The following RBMX variants were observed in gnomAD, a reference collection of about 807,000 sequenced individuals.
RBMX encodes the protein RNA-binding motif protein, X chromosome.
RBMX carries 1 observed loss-of-function variant against 29.3 expected under a neutral mutation model. The ratio of observed to expected loss-of-function variants is 0.03; its 90% CI spans 0.01 to 0.16. The LOEUF (loss-of-function observed/expected upper bound fraction) is 0.16, where lower values mean the gene tolerates loss of function less well. Among genes scored for constraint, RBMX ranks in the 10% least tolerant of loss-of-function variants. RBMX has a pLI of 1.00. For missense variants in RBMX, 121 were observed against 333.2 expected (o/e 0.36, Z 4.96); for synonymous variants, 102 against 102.3 (o/e 1.00, Z 0.02).
rs1176622856 is a variant in RBMX at position 136,875,551 on chromosome X, A to G, written c.576T>C (p.Gly192=). ...AGGGCAGCGGTTCCCTTCGAGGTGGACCTCCATAACTATCTCTTCCACGTG... is the reference window on the plus strand; with the variant it reads ...AGGGCAGCGGTTCCCTTCGAGGTGGGCCTCCATAACTATCTCTTCCACGTG... The part of the protein sequence containing the change: ...PVSRGRDSYG[G]PPRREPLPSR... Residue 192 remains glycine (G), a synonymous_variant, in exon 6 of 9, where the codon GGT becomes GGC. Transcript: ENST00000320676. 8.3e-7 allele frequency: 1 copy of G among 1,211,272 alleles called. No individual in the cohort carries two copies. The highest frequency in any genetic ancestry group is 1.1e-6 in the Non-Finnish European group (1 of 895,482).
At chrX:136,874,970 C>T in intron 8 of RBMX, 116 bp downstream of exon 8, 1 of 1,098,114 alleles carries the variant, frequency 9.1e-7, no homozygotes, top group Non-Finnish European at 1.2e-6. Flanking sequence ...TAAAGTTACC[C>T]CTTTAAAAGC....
At chrX:136,878,956 C>CA (rs1232804302) in intron 3 of RBMX, 61 bp downstream of exon 3, 6 of 1,185,857 alleles carry the variant, frequency 5.1e-6, no homozygotes, top group Non-Finnish European at 5.7e-6. Context: ...CAGACTTGGA[C>CA]AACTACATGT....
At chrX:136,876,079 C>T (rs981189387) in intron 5 of RBMX, among the ~76,000 whole-genome samples, 13 of 107,557 alleles carry the variant, frequency 1.2e-4, no homozygotes, top group Admixed American at 3.0e-4. Context: ...AGATTACAGG[C>T]GTGAGCCACC....
intron 3 of RBMX, among the ~76,000 whole-genome samples, chrX:136,878,765 T>G (rs1016060204): frequency 1.1e-5 from 1 of 95,087 alleles, no homozygotes; most frequent in African/African-American, 4.0e-5. Context: ...AAAAAAAAAG[T>G]ACCATGTAAT....
intron 8 of RBMX, chrX:136,874,669 G>A (rs997236041): frequency 2.2e-6 from 1 of 461,315 alleles, no homozygotes; most frequent in Non-Finnish European, 3.5e-6. Flanking sequence ...GACTGAAGAC[G>A]GTGTGTATTT....
chrX:136,870,332 T>C (rs1191961634), downstream of RBMX: 2 of 113,217 alleles, frequency 1.8e-5, no homozygotes, highest in African/African-American at 6.5e-5. Context: ...GCAAAATCTA[T>C]TGCCTGCACC....
chrX:136,879,426 ATGTTTTT>A lies in RBMX; in HGVS notation c.-6_1del. The stretch of plus-strand genomic sequence containing the variant: ...CTTTCCTGGGCGATCTGCTTCAACC[ATGTTTTT>A]TTTTTTTTGGGCCGGTGAGTCTGTT... On this transcript the variant is annotated start_lost and start_retained_variant and 5_prime_UTR_variant, in exon 2 of 9. Transcript: ENST00000320676. The A allele has an allele frequency of 2.1e-6, 2 of 973,597 alleles. No homozygotes were observed. Among genetic ancestry groups the A allele is most frequent in the Non-Finnish European group, 2.8e-6 (2 of 722,101 alleles). 80.2% of individuals were successfully genotyped at this position (973,597 alleles called of 1,213,427 possible). A position where few individuals can be genotyped will look rare whatever the true frequency, so the allele number is the denominator to read the frequency against.
chrX:136,878,992 T>A (rs774664185), intron 3 of RBMX, 25 bp downstream of exon 3: 53 of 1,205,597 alleles, frequency 4.4e-5, no homozygotes. Flanking sequence ...TAACAGGTTA[T>A]CATCCATCGT....
chrX:136,876,467 G>T (rs991499914), intron 5 of RBMX, 36 bp downstream of exon 5: 2 of 1,129,427 alleles, frequency 1.8e-6, no homozygotes, highest in East Asian at 3.1e-5. Context: ...TTTGTGTTAC[G>T]GTAGTAGCAT....
At chrX:136,872,859 G>A (rs1292217466), downstream of RBMX, 1 of 110,571 alleles carries the variant, frequency 9.0e-6, no homozygotes, top group African/African-American at 3.3e-5. Flanking sequence ...TAAAAAGGGG[G>A]ACCCCAAACT....
intron 1 of RBMX, 32 bp downstream of exon 1, chrX:136,880,565 C>G (rs938660143): frequency 8.8e-6 from 1 of 113,370 alleles, no homozygotes; most frequent in Admixed American, 9.6e-5. Flanking sequence ...GAGAGTGTCA[C>G]GAAAAACGGA....
rs778800086 is a variant in RBMX at position 136,876,125 on chromosome X, GT to G, written c.541+377del. Among the ~76,000 whole-genome samples, 471 of 77,671 alleles carry G rather than the reference GT, an allele frequency of 6.1e-3. 1 individual carries two copies. The highest frequency in any genetic ancestry group is 8.7e-3 in the Admixed American group (60 of 6,903). 67.4% of individuals were successfully genotyped at this position (77,671 alleles called of 115,157 possible). A position where few individuals can be genotyped will look rare whatever the true frequency, so the allele number is the denominator to read the frequency against. The stretch of plus-strand genomic sequence containing the variant: ...TCCATGAATAAAGTTTTTTTTTTTT[GT>G]TTTTTTTTTTTTTTTGGAGACAGAA... On this transcript the variant is annotated intron_variant, in intron 5 of 8. Coordinates refer to ENST00000320676, the MANE Select transcript of RBMX (RefSeq NM_002139.4).
At chrX:136,872,996 C>T (rs1313485341), downstream of RBMX, 3 of 108,986 alleles carry the variant, frequency 2.8e-5, no homozygotes, top group Non-Finnish European at 3.8e-5. Flanking sequence ...CCCCAGATCG[C>T]CATTGGTAAA....
intron 1 of RBMX, among the ~76,000 whole-genome samples, 170 bp from the exon 2 acceptor site, chrX:136,879,623 GTAGTT>G (rs2077777117): frequency 8.9e-6 from 1 of 112,077 alleles, no homozygotes; most frequent in Admixed American, 9.5e-5. Context: ...TTTGAACTAA[GTAGTT>G]TAGTAACACT....
intron 8 of RBMX, 134 bp downstream of exon 8, chrX:136,874,952 C>A: frequency 9.4e-7 from 1 of 1,061,790 alleles, no homozygotes; most frequent in Non-Finnish European, 1.2e-6. Flanking sequence ...TAGGAAAAGC[C>A]CAGCTGATAA....
chrX:136,872,331 A>G, downstream of RBMX: 2 of 1,166,221 alleles, frequency 1.7e-6, no homozygotes, highest in Non-Finnish European at 2.3e-6. Context: ...GACCATAATG[A>G]GCAAAATCAC....
chrX:136,880,135 T>C (rs886871166), intron 1 of RBMX, among the ~76,000 whole-genome samples: 1 of 111,782 alleles, frequency 8.9e-6, no homozygotes, highest in Non-Finnish European at 1.9e-5. Flanking sequence ...AAAGACAAAA[T>C]GGCGACACTT....
downstream of RBMX, chrX:136,873,067 AT>A (rs1313726997): frequency 9.1e-6 from 1 of 109,680 alleles, no homozygotes; most frequent in Non-Finnish European, 1.9e-5. Flanking sequence ...AAAAAAAAAA[AT>A]CCAAGTGTTG....
downstream of RBMX, chrX:136,872,561 T>C (rs1471180930): frequency 2.5e-4 from 102 of 409,227 alleles, 3 homozygotes; most frequent in Non-Finnish European, 2.6e-5. Flanking sequence ...GCTTATGGAT[T>C]GTCATTCTGT....
Sources: allele counts gnomAD v4.1 joint callset (sites outside exome capture counted in the v4.1 genomes callset), GRCh38; gene constraint gnomAD v4.1.1; transcripts MANE v1.5; gene names NCBI Gene and HGNC (gene_info 2026-07-23, HGNC 2026-07-21).